The following PAPPA2 variants were observed in gnomAD, a reference collection of about 807,000 sequenced individuals.
PAPPA2 encodes pappalysin 2.
In PAPPA2, 86 loss-of-function variants were observed where a neutral mutation model predicts 176.4. That is an observed-to-expected ratio of 0.49 (90% CI 0.41 to 0.58). The LOEUF (loss-of-function observed/expected upper bound fraction) is 0.58. Ranked by LOEUF, PAPPA2 falls within the 20% of genes least tolerant of loss-of-function variation. The pLI is 0.00. For synonymous variants in PAPPA2, 809 were observed against 852.2 expected (o/e 0.95, Z 0.88); for missense variants, 2,073 against 2,256.9 (o/e 0.92, Z 1.65).
intron 21 of PAPPA2, chr1:176,836,504 G>T (rs181739992): frequency 6.6e-6 from 1 of 152,346 alleles, no homozygotes; most frequent in East Asian, 1.9e-4. Flanking sequence ...GAAGAACAGT[G>T]TTCTTAATCT....
At position 176,789,886 on chromosome 1, in the gene PAPPA2, C is replaced by T. The variant is rs1170466523; in HGVS notation, c.4793C>T (p.Pro1598Leu). Residue 1598 changes from proline to leucine, a missense_variant, in exon 18 of 23, where the codon CCC becomes CTC. This residue lies in a region of PAPPA2 where 846 missense variants were observed against 857.9 expected (regional missense o/e 0.99). Transcript: ENST00000367662. ...TGCATTCCTGTGGTGTGTGAGCCAC[C>T]CCCTCCTGTGTTTGAAGGCATGTAT... ...GSCIPVVCEP[P>L]PPVFEGMYEC... The T allele has an allele frequency of 1.9e-6, 3 of 1,613,948 alleles. No individual in the cohort carries two copies. Among genetic ancestry groups the T allele is most frequent in the African/African-American group, 1.3e-5 (1 of 74,886 alleles).
intron 3 of PAPPA2, among the ~76,000 whole-genome samples, chr1:176,610,844 A>G (rs1427424437): frequency 6.6e-6 from 1 of 152,150 alleles, no homozygotes; most frequent in African/African-American, 2.4e-5. Flanking sequence ...TTACTCATTC[A>G]GTTTATAATA....
At chr1:176,799,732 C>A (rs1665592136) in intron 20 of PAPPA2, among the ~76,000 whole-genome samples, 1 of 152,134 alleles carries the variant, frequency 6.6e-6, no homozygotes, top group South Asian at 2.1e-4. Context: ...TAATATTATG[C>A]CTGAAACCAG....
At chr1:176,675,563 A>G (rs1011191733) in intron 4 of PAPPA2, among the ~76,000 whole-genome samples, 1 of 152,098 alleles carries the variant, frequency 6.6e-6, no homozygotes, top group African/African-American at 2.4e-5. Flanking sequence ...GAACTAGACC[A>G]TTGTAGAAAA....
chr1:176,777,507 A>G (rs574280417), intron 17 of PAPPA2, among the ~76,000 whole-genome samples: 3 of 152,276 alleles, frequency 2.0e-5, no homozygotes, highest in Admixed American at 1.3e-4. Context: ...TAAAACTTCT[A>G]AAGAAGGTAA....
intron 2 of PAPPA2, among the ~76,000 whole-genome samples, chr1:176,565,505 G>T (rs1651914780): frequency 6.6e-6 from 1 of 152,068 alleles, no homozygotes; most frequent in Admixed American, 6.5e-5. Flanking sequence ...GACCAGCCTG[G>T]GAAATATGAC....
At position 176,740,089 on chromosome 1, in the gene PAPPA2, A is replaced by G. The variant is rs752359324; in HGVS notation, c.4044A>G (p.Pro1348=). 2.5e-6 allele frequency: 4 copies of G among 1,613,736 alleles called. No homozygotes were observed. Among genetic ancestry groups the G allele is most frequent in the Non-Finnish European group, 1.7e-6 (2 of 1,179,846 alleles). The change falls in exon 14 of 23, where the codon CCA becomes CCG. Residue 1348 remains proline, a synonymous_variant. Transcript: ENST00000367662. ...TTSVLLNFSS[P]RVGISAVALR... ...CAGTGCTGCTGAATTTCTCATCCCCACGGGTCGGCATCTCAGCTGTGGCTC... is the reference window on the plus strand; with the variant it reads ...CAGTGCTGCTGAATTTCTCATCCCCGCGGGTCGGCATCTCAGCTGTGGCTC...
At chr1:176,692,551 T>G (rs1245153659) in intron 6 of PAPPA2, among the ~76,000 whole-genome samples, 2 of 152,226 alleles carry the variant, frequency 1.3e-5, no homozygotes. Flanking sequence ...CAGGGAGGCC[T>G]GGAGAGCCTG....
At chr1:176,697,394 C>T (rs549311726) in intron 7 of PAPPA2, among the ~76,000 whole-genome samples, 1 of 152,022 alleles carries the variant, frequency 6.6e-6, no homozygotes, top group Non-Finnish European at 1.5e-5. Context: ...ACTTCACAAG[C>T]ATTAATTTAT....
At chr1:176,694,461 C>T (rs530684213) in intron 6 of PAPPA2, among the ~76,000 whole-genome samples, 9 of 152,330 alleles carry the variant, frequency 5.9e-5, no homozygotes, top group East Asian at 1.9e-4. Context: ...CACGACACAG[C>T]GGCACAATGC....
chr1:176,518,428 T>C (rs1349148141), intron 1 of PAPPA2, among the ~76,000 whole-genome samples: 1 of 149,592 alleles, frequency 6.7e-6, no homozygotes, highest in Non-Finnish European at 1.5e-5. Flanking sequence ...TGGAGTTACC[T>C]GTAATTGTGG....
intron 3 of PAPPA2, among the ~76,000 whole-genome samples, chr1:176,635,617 C>G (rs1656648985): frequency 6.6e-6 from 1 of 152,124 alleles, no homozygotes; most frequent in African/African-American, 2.4e-5. Context: ...GTTTTCTCCT[C>G]TCTTAATTTC....
In PAPPA2 at chr1:176,523,274, C is replaced by G. The variant is rs557088433; in HGVS notation, c.-916-32133C>G. Among the ~76,000 whole-genome samples the G allele has an allele frequency of 2.0e-5, 3 of 152,316 alleles. No homozygotes were observed. The South Asian group carries it at 6.2e-4, about 32-fold the overall frequency. Reference sequence around the variant, plus strand: ...CCACTTTCCCTACCTCCACTTTCTCCTCCCAATTTCCCAAGAAGTCTGTTC... The same window carrying G: ...CCACTTTCCCTACCTCCACTTTCTCGTCCCAATTTCCCAAGAAGTCTGTTC... On this transcript the variant is annotated intron_variant, in intron 1 of 22. Coordinates refer to ENST00000367662, the MANE Select transcript of PAPPA2 (RefSeq NM_020318.3).
At chr1:176,769,117 G>A (rs1325601) in intron 15 of PAPPA2, among the ~76,000 whole-genome samples, 1 of 152,036 alleles carries the variant, frequency 6.6e-6, no homozygotes, top group Non-Finnish European at 1.5e-5. Context: ...CAGAAACTGT[G>A]TAGAGCAGGC....
In PAPPA2 at chr1:176,695,875, A is replaced by G. The variant is rs769167576; in HGVS notation, c.2746+16A>G. 6.2e-6 allele frequency: 10 copies of G among 1,612,666 alleles called. No homozygotes were observed. In the Admixed American group the frequency reaches 6.7e-5, roughly 11 times the overall value. ...GAGGCTGTGGGTAAAGTACCATGACATTTTTTCTTTATACCCTGGTGACCA... is the reference window on the plus strand; with the variant it reads ...GAGGCTGTGGGTAAAGTACCATGACGTTTTTTCTTTATACCCTGGTGACCA... On this transcript the variant is annotated intron_variant, in intron 7 of 22. Transcript: ENST00000367662.
intron 1 of PAPPA2, among the ~76,000 whole-genome samples, chr1:176,516,752 C>T (rs540594081): frequency 6.6e-6 from 1 of 152,272 alleles, no homozygotes; most frequent in African/African-American, 2.4e-5. Context: ...AAATAAGTTT[C>T]TGTTGTTTTC....
rs58236148 is a variant in PAPPA2, at chr1:176,614,792, A to G, written c.1991+19197A>G. On this transcript the variant is annotated intron_variant, in intron 3 of 22. Transcript: ENST00000367662. ...CCACACATCCCCAGGCAGTATAAAT[A>G]TATGGTTGAACTAACATTAATGCAC... Among the ~76,000 whole-genome samples the G allele has an allele frequency of 6.6e-3, 1,010 of 152,332 alleles. 14 individuals carry two copies. The highest frequency in any genetic ancestry group is 0.021 in the African/African-American group (863 of 41,562).
chr1:176,605,563 C>T (rs1654561625), intron 3 of PAPPA2, among the ~76,000 whole-genome samples: 1 of 152,234 alleles, frequency 6.6e-6, no homozygotes, highest in Admixed American at 6.5e-5. Flanking sequence ...TCAGCTTGCT[C>T]TGGCTCCTAA....
intron 14 of PAPPA2, among the ~76,000 whole-genome samples, chr1:176,747,275 GA>G (rs1487168032): frequency 6.6e-6 from 1 of 152,148 alleles, no homozygotes; most frequent in Non-Finnish European, 1.5e-5. Context: ...TTGTTTTGAG[GA>G]AATGATGACT....
Sources: gnomAD v4.1 joint callset for allele counts (sites outside exome capture counted in the v4.1 genomes callset) on GRCh38, gnomAD v4.1.1 for gene constraint, gnomAD v4.1.1 regional missense constraint, MANE v1.5 for transcripts, NCBI Gene and HGNC (gene_info 2026-07-23, HGNC 2026-07-21) for gene names.